Variants in TMPRSS11F observed in about 807,000 individuals in gnomAD.
TMPRSS11F encodes transmembrane serine protease 11F, also known as transmembrane protease serine 11F.
Under a neutral mutation model 60.2 loss-of-function variants are expected in TMPRSS11F, and 47 were observed. That is an observed-to-expected ratio of 0.78 (90% confidence interval 0.62 to 1.00). The LOEUF (loss-of-function observed/expected upper bound fraction) is 1.00. Among genes scored for constraint, TMPRSS11F ranks in the 50% least tolerant of loss-of-function variants. The pLI, the probability that TMPRSS11F is intolerant of heterozygous loss-of-function variation, is 0.00. For missense variants in TMPRSS11F, 519 were observed against 522.9 expected (o/e 0.99, Z 0.07); for synonymous variants, 166 against 167.3 (o/e 0.99, Z 0.06).
chr4:68,093,420 C>T lies in TMPRSS11F; in HGVS notation c.164-2779G>A, dbSNP rs58935002. On this transcript the variant is annotated intron_variant, in intron 2 of 9. Transcript: ENST00000356291. ...ATTCAAGATGGATTAAAGACTTAAA[C>T]ATTAGACCTAAAACCATAAAAACCC... Among the ~76,000 whole-genome samples, 1,377 of 152,040 alleles carry T rather than the reference C, an allele frequency of 9.1e-3. 25 individuals are homozygous for T. Among genetic ancestry groups the T allele is most frequent in the African/African-American group, 0.032 (1,308 of 41,486 alleles).
At chr4:68,120,376 C>CTTTTTTTTTT (rs34843345) in intron 1 of TMPRSS11F, among the ~76,000 whole-genome samples, 1 of 123,804 alleles carries the variant, frequency 8.1e-6, no homozygotes, top group African/African-American at 3.2e-5. Context: ...ACAGAGAAAT[C>CTTTTTTTTTT]TTTTTTTTTT....
intron 1 of TMPRSS11F, among the ~76,000 whole-genome samples, chr4:68,123,078 A>G (rs1724652989): frequency 6.6e-6 from 1 of 152,230 alleles, no homozygotes; most frequent in Non-Finnish European, 1.5e-5. Flanking sequence ...AGAAGAGAGC[A>G]GCTAATAATC....
intron 6 of TMPRSS11F, 72 bp downstream of exon 6, chr4:68,069,897 C>A: frequency 3.0e-6 from 4 of 1,321,562 alleles, no homozygotes; most frequent in Middle Eastern, 1.9e-4. Flanking sequence ...ACTTTACTGC[C>A]AACTTTTCTA....
intron 3 of TMPRSS11F, among the ~76,000 whole-genome samples, chr4:68,087,771 A>T (rs1033869930): frequency 6.6e-6 from 1 of 151,694 alleles, no homozygotes; most frequent in Non-Finnish European, 1.5e-5. Flanking sequence ...CACAATGTGC[A>T]GGTTAGTTAC....
Position 68,064,794 on chromosome 4 carries a change from T to C in TMPRSS11F, c.906A>G (p.Gly302=). 6.2e-7 allele frequency: 1 copy of C among 1,614,164 alleles called. No individual in the cohort carries two copies. Among genetic ancestry groups the C allele is most frequent in the Non-Finnish European group, 8.5e-7 (1 of 1,180,004 alleles). Residue 302 remains glycine, a synonymous_variant, in exon 8 of 10, where the codon GGA becomes GGG. Coordinates refer to ENST00000356291, the MANE Select transcript of TMPRSS11F (RefSeq NM_207407.2). ...NDIALVQLST[G]VEFSNIVQRV... The stretch of plus-strand genomic sequence containing the variant: ...TCTGGACTATATTTGAAAACTCAAC[T>C]CCAGTAGAGAGCTGAACCAAAGCAA...
chr4:68,068,424 G>A (rs968152860), intron 7 of TMPRSS11F, among the ~76,000 whole-genome samples, 194 bp downstream of exon 7: 2 of 152,112 alleles, frequency 1.3e-5, no homozygotes, highest in Non-Finnish European at 2.9e-5. Flanking sequence ...AGGAAAATCT[G>A]TAAGAACTAC....
At chr4:68,068,546 C>T (rs1723379181) in intron 7 of TMPRSS11F, 72 bp downstream of exon 7, 2 of 1,340,538 alleles carry the variant, frequency 1.5e-6, no homozygotes, top group Non-Finnish European at 2.1e-6. Flanking sequence ...AGACTGGACT[C>T]TTCTGATGCG....
At chr4:68,118,010 C>T (rs966321525) in intron 1 of TMPRSS11F, among the ~76,000 whole-genome samples, 2 of 152,096 alleles carry the variant, frequency 1.3e-5, no homozygotes, top group African/African-American at 4.8e-5. Context: ...CCCAATGTGA[C>T]ACCTGAGACT....
At chr4:68,122,065 T>C (rs1724635163) in intron 1 of TMPRSS11F, among the ~76,000 whole-genome samples, 1 of 152,198 alleles carries the variant, frequency 6.6e-6, no homozygotes, top group South Asian at 2.1e-4. Context: ...TATTAAGTGA[T>C]TCATTAAGAC....
intron 6 of TMPRSS11F, among the ~76,000 whole-genome samples, chr4:68,069,448 A>G (rs999781952): frequency 2.6e-5 from 4 of 152,318 alleles, no homozygotes; most frequent in African/African-American, 9.6e-5. Flanking sequence ...CAAACCCTCA[A>G]TTGACTAGAT....
intron 9 of TMPRSS11F, 93 bp downstream of exon 9, chr4:68,059,233 A>C: frequency 7.6e-7 from 1 of 1,319,602 alleles, no homozygotes; most frequent in Non-Finnish European, 1.0e-6. Context: ...AAGAGATGCC[A>C]TTTTTTTTTC....
chr4:68,056,169 G>T (rs747230726), intron 9 of TMPRSS11F, among the ~76,000 whole-genome samples: 3 of 152,114 alleles, frequency 2.0e-5, no homozygotes, highest in Non-Finnish European at 4.4e-5. Flanking sequence ...TCTGGAAGTT[G>T]TCGCTAGAGA....
At chr4:68,119,661 C>T (rs146320553) in intron 1 of TMPRSS11F, among the ~76,000 whole-genome samples, 258 of 152,242 alleles carry the variant, frequency 1.7e-3, no homozygotes, top group African/African-American at 5.8e-3. Flanking sequence ...TTAAGTCCAC[C>T]GTTGAGACTT....
intron 4 of TMPRSS11F, 58 bp downstream of exon 4, chr4:68,073,884 T>C (rs1347282511): frequency 2.7e-6 from 3 of 1,102,866 alleles, no homozygotes; most frequent in East Asian, 5.3e-5. Context: ...GCAATTAGGT[T>C]CATCAAATAC....
At chr4:68,072,234 T>TATATATATATCTTACAAA (rs1723490197) in intron 5 of TMPRSS11F, 89 bp downstream of exon 5, 1 of 134,634 alleles carries the variant, frequency 7.4e-6, no homozygotes, top group African/African-American at 2.7e-5. Context: ...AAAAAAAATA[T>TATATATATATCTTACAAA]ATATATATAT....
intron 1 of TMPRSS11F, among the ~76,000 whole-genome samples, chr4:68,106,542 T>C (rs953332089): frequency 2.0e-5 from 3 of 152,146 alleles, no homozygotes; most frequent in Non-Finnish European, 2.9e-5. Context: ...TCTATAAATG[T>C]CATTATGATA....
intron 7 of TMPRSS11F, among the ~76,000 whole-genome samples, chr4:68,066,357 T>C (rs1026479453): frequency 1.3e-5 from 2 of 152,310 alleles, no homozygotes; most frequent in Admixed American, 6.5e-5. Flanking sequence ...CATTCCTTTA[T>C]GCATTGTCAA....
chr4:68,104,160 G>A (rs1344537215), intron 1 of TMPRSS11F, among the ~76,000 whole-genome samples: 3 of 152,118 alleles, frequency 2.0e-5, no homozygotes, highest in Non-Finnish European at 4.4e-5. Context: ...CTTGCCAGTA[G>A]TTCCAGTACT....
intron 8 of TMPRSS11F, 150 bp from the exon 9 acceptor site, chr4:68,059,618 A>G: frequency 2.6e-6 from 2 of 767,370 alleles, no homozygotes; most frequent in East Asian, 2.7e-5. Context: ...AAATGTCTAC[A>G]TGCAAGGAAT....
Sources: allele counts gnomAD v4.1 joint callset (sites outside exome capture counted in the v4.1 genomes callset), GRCh38; gene constraint gnomAD v4.1.1; transcripts MANE v1.5; gene names NCBI Gene and HGNC (gene_info 2026-07-23, HGNC 2026-07-21).